EPS15: variants seen among roughly 807,000 people sequenced by gnomAD.
EPS15 encodes epidermal growth factor receptor substrate 15.
Under a neutral mutation model 113.8 loss-of-function variants are expected in EPS15, and 72 were observed. The observed-to-expected ratio is 0.63, with a 90% CI of 0.52 to 0.77. The LOEUF is 0.77. Ranked by LOEUF, EPS15 falls within the 30% of genes least tolerant of loss-of-function variation. The pLI is 0.00. For missense variants in EPS15, 1,048 were observed against 1,045.8 expected (o/e 1.00, Z -0.03); for synonymous variants, 344 against 363.4 (o/e 0.95, Z 0.61).
At chr1:51,406,630 A>AT (rs1000959079) in intron 15 of EPS15, among the ~76,000 whole-genome samples, 54 of 150,746 alleles carry the variant, frequency 3.6e-4, no homozygotes, top group East Asian at 7.8e-4. Context: ...GTATACATGG[A>AT]TTTTTTTTTT....
In EPS15 at chr1:51,360,079, G is replaced by C. The variant is rs374862038; in HGVS notation, c.2544+1092C>G. ...TGAGATTACAGGCGTGAGCCACCACGCCCGGCCTGCATGCAGATTCTTGAC... is the reference window on the plus strand; with the variant it reads ...TGAGATTACAGGCGTGAGCCACCACCCCCGGCCTGCATGCAGATTCTTGAC... On this transcript the variant is annotated intron_variant, in intron 24 of 24. Coordinates refer to ENST00000371733, the MANE Select transcript of EPS15 (RefSeq NM_001981.3). Among the ~76,000 whole-genome samples, 4 of 152,104 alleles carry C rather than the reference G, an allele frequency of 2.6e-5. No individual in the cohort carries two copies. The East Asian group carries it at 5.8e-4, about 22-fold the overall frequency.
chr1:51,454,776 G>A (rs1271742679), intron 8 of EPS15, among the ~76,000 whole-genome samples: 2 of 152,154 alleles, frequency 1.3e-5, no homozygotes, highest in African/African-American at 4.8e-5. Flanking sequence ...ATAAAGTCTG[G>A]AGTTAATAAT....
intron 12 of EPS15, among the ~76,000 whole-genome samples, chr1:51,432,298 T>TTATG (rs71063032): frequency 0.24 from 34,480 of 145,898 alleles, 4,441 homozygotes; most frequent in East Asian, 0.36. Flanking sequence ...GCCACATAGA[T>TTATG]TATGTATGTA....
intron 12 of EPS15, among the ~76,000 whole-genome samples, chr1:51,428,479 T>G (rs1651412653): frequency 6.7e-6 from 1 of 150,280 alleles, no homozygotes; most frequent in Non-Finnish European, 1.5e-5. Context: ...GTTTGTGACA[T>G]CAATAACATA....
intron 13 of EPS15, among the ~76,000 whole-genome samples, chr1:51,411,908 G>T (rs1011998433): frequency 6.6e-6 from 1 of 152,120 alleles, no homozygotes; most frequent in Non-Finnish European, 1.5e-5. Context: ...ACATGCACAC[G>T]TATGTTTATT....
rs989553459 is a variant in EPS15 at position 51,356,870 on chromosome 1, C to T, written c.2545-24G>A. ...TACTGCCATTTAAAAGATCGATGAA[C>T]AAACGAATAAATAAATGAGTAAAGC... On this transcript the variant is annotated intron_variant, in intron 24 of 24. Coordinates refer to ENST00000371733, the MANE Select transcript of EPS15 (RefSeq NM_001981.3). 3.1e-6 allele frequency: 5 copies of T among 1,590,420 alleles called. No homozygotes were observed. The African/African-American group carries it at 6.8e-5, about 22-fold the overall frequency.
At chr1:51,471,617 C>T in intron 4 of EPS15, 73 bp downstream of exon 4, 1 of 1,228,374 alleles carries the variant, frequency 8.1e-7, no homozygotes, top group South Asian at 1.3e-5. Flanking sequence ...CTTCAAAATA[C>T]AAGAAAACCC....
At chr1:51,502,921 A>G (rs1644437829) in intron 1 of EPS15, among the ~76,000 whole-genome samples, 2 of 151,056 alleles carry the variant, frequency 1.3e-5, no homozygotes. Context: ...CAGCAGAATC[A>G]CTTGAATCTG....
At chr1:51,465,213 G>A (rs754527306) in intron 6 of EPS15, 48 bp downstream of exon 6, 3 of 1,122,614 alleles carry the variant, frequency 2.7e-6, no homozygotes, top group Middle Eastern at 2.0e-4. Context: ...AGAGAGAGTA[G>A]ATAGGAAGCA....
intron 8 of EPS15, among the ~76,000 whole-genome samples, chr1:51,451,209 C>G (rs895298141): frequency 2.6e-5 from 4 of 151,824 alleles, no homozygotes; most frequent in African/African-American, 9.7e-5. Context: ...CTAAGATAGG[C>G]TGGGCGTGGT....
chr1:51,503,515 G>A lies in EPS15; in HGVS notation c.33+15684C>T, dbSNP rs150831083. 8.8e-3 allele frequency among the ~76,000 whole-genome samples: 1,336 copies of A among 152,168 alleles called. 7 individuals carry two copies. The highest frequency in any genetic ancestry group is 0.013 in the Non-Finnish European group (902 of 67,996). ...AAATTAACCAGGAATGGTGGCATGC[G>A]CCTGTAATCCCAGTTACTCAGGAGG... On this transcript the variant is annotated intron_variant, in intron 1 of 24. Transcript: ENST00000371733.
In EPS15 at chr1:51,354,372, A is replaced by C; in HGVS notation, c.*2328T>G. 5.5e-6 allele frequency: 1 copy of C among 180,282 alleles called. No homozygotes were observed. Among genetic ancestry groups the C allele is most frequent in the East Asian group, 9.1e-5 (1 of 10,948 alleles). The allele number at this position is 180,282 out of a possible 1,614,324, so 11.2% of individuals were successfully genotyped here. A position where few individuals can be genotyped will look rare whatever the true frequency, so the allele number is the denominator to read the frequency against. On this transcript the variant is annotated 3_prime_UTR_variant, in exon 25 of 25. Coordinates refer to ENST00000371733, the MANE Select transcript of EPS15 (RefSeq NM_001981.3). The stretch of plus-strand genomic sequence containing the variant: ...CTACTCCTCCTTGGACACAGCATGG[A>C]CATAATCAGAGAACCATGCAAAACT...
intron 21 of EPS15, among the ~76,000 whole-genome samples, chr1:51,381,396 C>T (rs2148381319): frequency 6.6e-6 from 1 of 152,214 alleles, no homozygotes; most frequent in Non-Finnish European, 1.5e-5. Flanking sequence ...AGTTCGAGAC[C>T]AGCCTGGCCA....
chr1:51,476,010 T>G (rs1655651929), intron 2 of EPS15, among the ~76,000 whole-genome samples: 1 of 152,196 alleles, frequency 6.6e-6, no homozygotes, highest in Middle Eastern at 3.2e-3. Context: ...GTATTATTTC[T>G]GAGGGCTCTG....
intron 1 of EPS15, among the ~76,000 whole-genome samples, chr1:51,503,783 A>G (rs1644452902): frequency 6.6e-6 from 1 of 152,258 alleles, no homozygotes; most frequent in Non-Finnish European, 1.5e-5. Context: ...GAACTAAATC[A>G]TACATCTATG....
At chr1:51,501,136 G>A (rs1644404387) in intron 1 of EPS15, among the ~76,000 whole-genome samples, 1 of 151,602 alleles carries the variant, frequency 6.6e-6, no homozygotes, top group Admixed American at 6.6e-5. Flanking sequence ...GGCTGGGTGT[G>A]GTGGCTCACG....
intron 13 of EPS15, among the ~76,000 whole-genome samples, chr1:51,412,761 C>T (rs150422668): frequency 6.0e-4 from 92 of 152,324 alleles, no homozygotes; most frequent in African/African-American, 2.0e-3. Flanking sequence ...ACTTCAGATT[C>T]ATCTTTGATT....
At position 51,372,962 on chromosome 1, in the gene EPS15, T is replaced by C. The variant is rs1318241717; in HGVS notation, c.2120-6933A>G. ...TAGCTGCAGGAAGTCTTCAATCTGC[T>C]GCCAGACATCAGCCTGCAGCAGTCT... On this transcript the variant is annotated intron_variant, in intron 21 of 24. Transcript: ENST00000371733. 1.0e-5 allele frequency: 5 copies of C among 486,822 alleles called. No individual in the cohort carries two copies. In the East Asian group the frequency reaches 3.7e-4, roughly 36 times the overall value. The allele number at this position is 486,822 out of a possible 1,614,324, so 30.2% of individuals were successfully genotyped here.
intron 13 of EPS15, among the ~76,000 whole-genome samples, chr1:51,421,424 G>T (rs1254358797): frequency 6.6e-6 from 1 of 151,908 alleles, no homozygotes; most frequent in Non-Finnish European, 1.5e-5. Context: ...TGATGATGAT[G>T]ATGATGATGA....
Sources: allele counts gnomAD v4.1 joint callset (sites outside exome capture counted in the v4.1 genomes callset), GRCh38; gene constraint gnomAD v4.1.1; transcripts MANE v1.5; gene names NCBI Gene and HGNC (gene_info 2026-07-23, HGNC 2026-07-21).